PLCE1: variants seen among roughly 807,000 people sequenced by gnomAD.
The protein encoded by PLCE1 is 1-phosphatidylinositol 4,5-bisphosphate phosphodiesterase epsilon-1.
A neutral mutation model predicts 242.8 loss-of-function variants in PLCE1; 119 were observed. The ratio of observed to expected loss-of-function variants is 0.49; its 90% confidence interval spans 0.42 to 0.57. The LOEUF (loss-of-function observed/expected upper bound fraction) is 0.57. Ranked by LOEUF, PLCE1 falls within the 20% of genes least tolerant of loss-of-function variation. The probability of loss-of-function intolerance (pLI) is 0.00; values close to 1 mark genes in which losing one functional copy is unlikely to be tolerated. For synonymous variants in PLCE1, 945 were observed against 1,017.4 expected (o/e 0.93, Z 1.35); for missense variants, 2,441 against 2,788.8 (o/e 0.88, Z 2.81).
intron 7 of PLCE1, among the ~76,000 whole-genome samples, chr10:94,243,496 G>T (rs1398689692): frequency 6.6e-6 from 1 of 152,192 alleles, no homozygotes; most frequent in South Asian, 2.1e-4. Context: ...ATTTGTTCAT[G>T]AATTATGACA....
intron 10 of PLCE1, 100 bp downstream of exon 10, chr10:94,254,407 T>C (rs2050992399): frequency 1.2e-6 from 1 of 828,926 alleles, no homozygotes; most frequent in Non-Finnish European, 2.1e-6. Flanking sequence ...ATTGCAAACA[T>C]TTCTAACAAA....
Position 94,262,626 on chromosome 10 carries a change from G to T in PLCE1, c.3947G>T (p.Ser1316Ile). 2 of 1,614,062 alleles carry T rather than the reference G, an allele frequency of 1.2e-6. No individual in the cohort carries two copies. The highest frequency in any genetic ancestry group is 1.7e-6 in the Non-Finnish European group (2 of 1,179,952). Reference protein sequence around the residue: ...SIVTNGTGIESTSLGIFGVGI... With the variant: ...SIVTNGTGIEITSLGIFGVGI... ...GTGACAAATGGCACTGGGATTGAGA[G>T]CACATCTCTGGGCATTTTTGGGGTG... Residue 1316 changes from serine to isoleucine, a missense_variant, in exon 14 of 33, where the codon AGC becomes ATC. By Grantham distance (142) the Ser-to-Ile change is moderately radical. Around this residue, in one of 5 missense-constraint regions of PLCE1, gnomAD observed 1,004 missense variants for 1,322.7 expected, o/e 0.76. Transcript: ENST00000371380.
At chr10:94,321,805 C>T (rs1589542396) in intron 29 of PLCE1, 96 bp from the exon 30 acceptor site, 1 of 869,752 alleles carries the variant, frequency 1.1e-6, no homozygotes, top group Non-Finnish European at 1.9e-6. Flanking sequence ...GAAGTTTCTA[C>T]ATCACCAAGA....
chr10:94,195,336 G>A (rs2048786793), intron 4 of PLCE1, among the ~76,000 whole-genome samples: 1 of 152,060 alleles, frequency 6.6e-6, no homozygotes, highest in Non-Finnish European at 1.5e-5. Context: ...TTCTAATAGG[G>A]CTCTTCCAGT....
At position 94,188,453 on chromosome 10, in the gene PLCE1, A is replaced by G. The variant is rs114114576; in HGVS notation, c.1809+16957A>G. 7.4e-3 allele frequency among the ~76,000 whole-genome samples: 1,121 copies of G among 152,306 alleles called. 16 individuals are homozygous for G. The highest frequency in any genetic ancestry group is 0.025 in the African/African-American group (1,059 of 41,568). On this transcript the variant is annotated intron_variant, in intron 4 of 32. Transcript: ENST00000371380. ...AGCAGAGCCTTTCACATACATTATG[A>G]CATTAACCCTTACACGGCCTCTCTG...
At chr10:94,238,653 A>G (rs1004388642) in intron 7 of PLCE1, among the ~76,000 whole-genome samples, 3 of 152,198 alleles carry the variant, frequency 2.0e-5, no homozygotes, top group African/African-American at 7.2e-5. Context: ...TAAATAAACT[A>G]TGCGTTTGTA....
intron 4 of PLCE1, among the ~76,000 whole-genome samples, chr10:94,213,919 A>G (rs975471323): frequency 2.1e-5 from 3 of 144,196 alleles, no homozygotes; most frequent in African/African-American, 8.4e-5. Context: ...GAGACTTTAT[A>G]TTTATCATCG....
intron 2 of PLCE1, among the ~76,000 whole-genome samples, chr10:94,080,800 G>A (rs756857200): frequency 3.9e-5 from 6 of 152,102 alleles, no homozygotes; most frequent in Non-Finnish European, 8.8e-5. Flanking sequence ...TATTTATTAT[G>A]GATATTTCAA....
chr10:94,224,288 G>T (rs1231175698), intron 4 of PLCE1, among the ~76,000 whole-genome samples: 2 of 152,178 alleles, frequency 1.3e-5, no homozygotes, highest in Non-Finnish European at 2.9e-5. Flanking sequence ...TATGGAAAAT[G>T]ATTTGACTGA....
intron 3 of PLCE1, among the ~76,000 whole-genome samples, chr10:94,148,175 T>TA (rs1441399422): frequency 6.6e-6 from 1 of 151,990 alleles, no homozygotes; most frequent in Admixed American, 6.6e-5. Context: ...AAAAGTAAAT[T>TA]AATGAATATA....
intron 25 of PLCE1, among the ~76,000 whole-genome samples, chr10:94,305,113 C>CA (rs1159524055): frequency 6.6e-6 from 1 of 152,130 alleles, no homozygotes; most frequent in Non-Finnish European, 1.5e-5. Context: ...AACTTATTGT[C>CA]AAAACTCCAC....
chr10:94,151,834 C>A (rs1286344855), intron 3 of PLCE1, among the ~76,000 whole-genome samples: 3 of 152,042 alleles, frequency 2.0e-5, no homozygotes, highest in Non-Finnish European at 4.4e-5. Flanking sequence ...TTTCCCAAGC[C>A]CCCTCCACAA....
chr10:94,111,802 G>A (rs1410119818), intron 2 of PLCE1, among the ~76,000 whole-genome samples: 1 of 152,130 alleles, frequency 6.6e-6, no homozygotes. Context: ...TCAATGGATT[G>A]GATATTATTT....
intron 2 of PLCE1, among the ~76,000 whole-genome samples, chr10:94,077,991 C>T (rs930858573): frequency 1.2e-4 from 18 of 152,216 alleles, no homozygotes; most frequent in Non-Finnish European, 1.0e-4. Flanking sequence ...ACAGCAAACA[C>T]AGGATTTGGT....
In PLCE1 at chr10:94,228,629, C is replaced by T. The variant is rs577205824; in HGVS notation, c.1955+1178C>T. Among the ~76,000 whole-genome samples, 9 of 152,180 alleles carry T rather than the reference C, an allele frequency of 5.9e-5. No individual in the cohort carries two copies. The South Asian group carries it at 1.9e-3, about 32-fold the overall frequency. On this transcript the variant is annotated intron_variant, in intron 5 of 32. Transcript: ENST00000371380. Reference sequence around the variant, plus strand: ...ATTACTGAGATTTTTCTTTGATTCTCCAGGTCCCTAGGTAGGGATTCTGGG... The same window carrying T: ...ATTACTGAGATTTTTCTTTGATTCTTCAGGTCCCTAGGTAGGGATTCTGGG...
chr10:94,064,590 G>A (rs2044148956), intron 2 of PLCE1, among the ~76,000 whole-genome samples: 1 of 152,124 alleles, frequency 6.6e-6, no homozygotes, highest in African/African-American at 2.4e-5. Flanking sequence ...GCAAAGCTGG[G>A]TTTCAGGTCC....
At position 94,059,668 on chromosome 10, in the gene PLCE1, T is replaced by C. The variant is rs150614769; in HGVS notation, c.1206+27416T>C. 2.0e-3 allele frequency among the ~76,000 whole-genome samples: 308 copies of C among 152,312 alleles called. 1 individual carries two copies. Among genetic ancestry groups the C allele is most frequent in the African/African-American group, 7.1e-3 (294 of 41,572 alleles). On this transcript the variant is annotated intron_variant, in intron 2 of 32. Transcript: ENST00000371380. ...ACAGTTGCTTTGCATATTAGAAATA[T>C]GTGTGTTACATGCTAATCTTATTTA...
intron 2 of PLCE1, among the ~76,000 whole-genome samples, chr10:94,131,598 A>T (rs2046600152): frequency 6.6e-6 from 1 of 152,196 alleles, no homozygotes; most frequent in Non-Finnish European, 1.5e-5. Context: ...CTGTCAACTT[A>T]TTGGATATGG....
intron 1 of PLCE1, among the ~76,000 whole-genome samples, chr10:93,998,791 C>A (rs779083957): frequency 1.3e-5 from 2 of 152,130 alleles, no homozygotes; most frequent in Non-Finnish European, 2.9e-5. Flanking sequence ...TGCCTGGAAC[C>A]TGTGAATATG....
Sources: gnomAD v4.1 joint callset for allele counts (sites outside exome capture counted in the v4.1 genomes callset) on GRCh38, gnomAD v4.1.1 for gene constraint, gnomAD v4.1.1 regional missense constraint, MANE v1.5 for transcripts, NCBI Gene and HGNC (gene_info 2026-07-23, HGNC 2026-07-21) for gene names.